TFB1M: variants seen among roughly 807,000 people sequenced by gnomAD.
The protein encoded by TFB1M is dimethyladenosine transferase 1, mitochondrial.
Under a neutral mutation model 31.1 loss-of-function variants are expected in TFB1M, and 27 were observed. The ratio of observed to expected loss-of-function variants is 0.87; its 90% CI spans 0.64 to 1.20. The LOEUF (loss-of-function observed/expected upper bound fraction) is 1.20. Among genes scored for constraint, TFB1M ranks in the 50% most tolerant of loss-of-function variants. TFB1M has a pLI of 0.00. For missense variants in TFB1M, 394 were observed against 418.7 expected, an observed-to-expected ratio of 0.94 and a Z score of 0.51; for synonymous variants, 166 against 151.8, an observed-to-expected ratio of 1.09 and a Z score of -0.69.
the TFB1M span, chr6:155,244,705 G>A: frequency 5.6e-6 from 9 of 1,613,904 alleles, no homozygotes; most frequent in East Asian, 4.5e-5. Flanking sequence ...AGTTTCAGAA[G>A]GTGTTTCTGG....
chr6:155,254,435 A>G (rs772618976), downstream of TFB1M: 21 of 1,612,264 alleles, frequency 1.3e-5, no homozygotes, highest in Middle Eastern at 6.6e-4. Flanking sequence ...TGAAAGCAAA[A>G]CCAACATTGT....
chr6:155,240,819 G>T, the TFB1M span: 6 of 1,148,414 alleles, frequency 5.2e-6, no homozygotes, highest in Non-Finnish European at 7.3e-6. Context: ...CACTCCCCAG[G>T]GGGGGACACC....
downstream of TFB1M, among the ~76,000 whole-genome samples, chr6:155,251,440 C>G (rs201784624): frequency 6.6e-6 from 1 of 152,124 alleles, no homozygotes. Flanking sequence ...GTGCTCGCCA[C>G]CACGCCCGGC....
At chr6:155,264,865 TAAC>T (rs1354625980) in intron 5 of TFB1M, among the ~76,000 whole-genome samples, 3 of 152,300 alleles carry the variant, frequency 2.0e-5, no homozygotes, top group African/African-American at 4.8e-5. Context: ...CTATTAGTAA[TAAC>T]AACAACAAGA....
downstream of TFB1M, among the ~76,000 whole-genome samples, chr6:155,252,295 A>C (rs1416668022): frequency 6.6e-6 from 1 of 152,150 alleles, no homozygotes; most frequent in East Asian, 1.9e-4. Context: ...AACATGGTGA[A>C]ACCCTGCCTC....
intron 6 of TFB1M, among the ~76,000 whole-genome samples, chr6:155,259,200 G>T (rs1163521682): frequency 1.3e-5 from 2 of 152,218 alleles, no homozygotes; most frequent in East Asian, 1.9e-4. Context: ...AGGGGTAAGT[G>T]TGAGCCAAAA....
At position 155,313,891 on chromosome 6, in the gene TFB1M, G is replaced by A. The variant is rs1778125921; in HGVS notation, c.133+405C>T. Among the ~76,000 whole-genome samples the A allele has an allele frequency of 3.9e-5, 6 of 152,244 alleles. No homozygotes were observed. In the South Asian group the frequency reaches 1.2e-3, roughly 32 times the overall value. Reference sequence around the variant, plus strand: ...TCACCAAGTTATTGATAAAATCCTCGCATCAATTTAAATTCTGGTAACTTT... The same window carrying A: ...TCACCAAGTTATTGATAAAATCCTCACATCAATTTAAATTCTGGTAACTTT... On this transcript the variant is annotated intron_variant, in intron 1 of 6. Transcript: ENST00000367166.
chr6:155,276,529 A>G (rs1785231127), intron 5 of TFB1M: 1 of 671,038 alleles, frequency 1.5e-6, no homozygotes. Context: ...AAATGCCAAT[A>G]AAACTATCAT....
At chr6:155,254,481 G>C (rs753683951), downstream of TFB1M, 3 of 1,614,014 alleles carry the variant, frequency 1.9e-6, no homozygotes, top group African/African-American at 4.0e-5. Context: ...GAGAACTTCA[G>C]GCGTCACATA....
chr6:155,250,471 G>C, the TFB1M span: 1 of 1,345,160 alleles, frequency 7.4e-7, no homozygotes, highest in Admixed American at 2.2e-5. Flanking sequence ...AAAATGGCAG[G>C]AACAGGAAAG....
At chr6:155,259,158 C>G (rs1784273022) in intron 6 of TFB1M, among the ~76,000 whole-genome samples, 1 of 152,168 alleles carries the variant, frequency 6.6e-6, no homozygotes, top group Non-Finnish European at 1.5e-5. Flanking sequence ...TCAGGGCTAT[C>G]AGGTACAGCT....
At chr6:155,240,953 T>G in the TFB1M span, among the ~76,000 whole-genome samples, 2 of 152,228 alleles carry the variant, frequency 1.3e-5, no homozygotes, top group Non-Finnish European at 2.9e-5. Flanking sequence ...GCTTTCACTA[T>G]GGAAACAGAT....
Position 155,257,269 on chromosome 6 carries a change from TTAAG to T in TFB1M, c.*563_*566del. ...TTTCCCACAAAATGGTTGTAAAGATTTAAGTTATTTTAATTTATTGTGGATCAGA... is the reference window on the plus strand; with the variant it reads ...TTTCCCACAAAATGGTTGTAAAGATTTTATTTTAATTTATTGTGGATCAGA... On this transcript the variant is annotated 3_prime_UTR_variant, in exon 7 of 7. Transcript: ENST00000367166. 1.1e-6 allele frequency: 1 copy of T among 882,106 alleles called. No homozygotes were observed. The highest frequency in any genetic ancestry group is 3.0e-5 in the Admixed American group (1 of 33,684). 54.6% of individuals were successfully genotyped at this position (882,106 alleles called of 1,614,324 possible). A position where few individuals can be genotyped will look rare whatever the true frequency, so the allele number is the denominator to read the frequency against.
At chr6:155,305,904 GA>G (rs1383317033) in intron 2 of TFB1M, among the ~76,000 whole-genome samples, 1 of 149,764 alleles carries the variant, frequency 6.7e-6, no homozygotes, top group Non-Finnish European at 1.5e-5. Context: ...GTTCTTCAAA[GA>G]CATTGTTAAG....
At chr6:155,275,491 T>G (rs1785146834) in intron 5 of TFB1M, 1 of 496,384 alleles carries the variant, frequency 2.0e-6, no homozygotes, top group Non-Finnish European at 3.6e-6. Flanking sequence ...GCCTACAGCA[T>G]CCTCATCTGC....
chr6:155,257,675 A>G lies in TFB1M; in HGVS notation c.*161T>C, dbSNP rs1784158725. The G allele has an allele frequency of 1.2e-5, 9 of 741,108 alleles. No individual in the cohort carries two copies. Among genetic ancestry groups the G allele is most frequent in the South Asian group, 3.6e-5 (2 of 56,216 alleles). The allele number at this position is 741,108 out of a possible 1,614,324, so 45.9% of individuals were successfully genotyped here. A position where few individuals can be genotyped will look rare whatever the true frequency, so the allele number is the denominator to read the frequency against. On this transcript the variant is annotated 3_prime_UTR_variant, in exon 7 of 7. Transcript: ENST00000367166. The stretch of plus-strand genomic sequence containing the variant: ...AGCTTGTACTGTATCTTATTTGATG[A>G]TATTTATTTTCTCTGCCAAGCTGTA...
At chr6:155,307,282 CT>C (rs1360566970) in intron 2 of TFB1M, among the ~76,000 whole-genome samples, 1 of 152,126 alleles carries the variant, frequency 6.6e-6, no homozygotes, top group Non-Finnish European at 1.5e-5. Context: ...CGTTTTCATG[CT>C]GCTGCTCATA....
chr6:155,247,799 C>T, the TFB1M span, among the ~76,000 whole-genome samples: 2 of 152,246 alleles, frequency 1.3e-5, no homozygotes, highest in African/African-American at 2.4e-5. Flanking sequence ...GCTCCCAGCA[C>T]TCCAGGGCTC....
rs569597849 is a variant in TFB1M, at chr6:155,285,242, A to G, written c.582T>C (p.Ser194=). The change falls in exon 5 of 7, where the codon AGT becomes AGC. Residue 194 remains serine (S), a synonymous_variant. Coordinates refer to ENST00000367166, the MANE Select transcript of TFB1M (RefSeq NM_016020.4). ...GGTACTGAGCCATAACAGAGAGGCG[A>G]CTACGCTGTTTGCTTCCTGTATTGG... ...LAANTGSKQR[S]RLSVMAQYLC... 23 of 1,613,930 alleles carry G rather than the reference A, an allele frequency of 1.4e-5. No individual in the cohort carries two copies. In the South Asian group the frequency reaches 1.9e-4, roughly 13 times the overall value.
Sources: allele counts gnomAD v4.1 joint callset (sites outside exome capture counted in the v4.1 genomes callset), GRCh38; gene constraint gnomAD v4.1.1; transcripts MANE v1.5; gene names NCBI Gene and HGNC (gene_info 2026-07-23, HGNC 2026-07-21).